The following FHIT variants were observed in gnomAD, a reference collection of about 807,000 sequenced individuals.
FHIT encodes the protein bis(5'-adenosyl)-triphosphatase.
A neutral mutation model predicts 17.9 loss-of-function variants in FHIT; 19 were observed. The ratio of observed to expected loss-of-function variants is 1.06; its 90% confidence interval spans 0.74 to 1.56. The LOEUF (loss-of-function observed/expected upper bound fraction) is 1.56. Among genes scored for constraint, FHIT ranks in the 40% most tolerant of loss-of-function variants. FHIT has a pLI of 0.00. For missense variants in FHIT, 248 were observed against 189.2 expected, an observed-to-expected ratio of 1.31 and a Z score of -1.82; for synonymous variants, 81 against 69.7, an observed-to-expected ratio of 1.16 and a Z score of -0.81.
At chr3:60,356,758 A>C (rs1408353017) in intron 5 of FHIT, among the ~76,000 whole-genome samples, 11 of 61,358 alleles carry the variant, frequency 1.8e-4, no homozygotes, top group Non-Finnish European at 3.7e-4. Flanking sequence ...AGAGACAAAA[A>C]AAAAAAAAAA....
At chr3:59,793,202 A>T (rs1699640932) in intron 8 of FHIT, among the ~76,000 whole-genome samples, 1 of 152,158 alleles carries the variant, frequency 6.6e-6, no homozygotes, top group South Asian at 2.1e-4. Context: ...ATCTAATTTC[A>T]GACCCTGTCT....
intron 1 of FHIT, among the ~76,000 whole-genome samples, chr3:61,212,676 G>A (rs2039523326): frequency 6.6e-6 from 1 of 152,104 alleles, no homozygotes; most frequent in South Asian, 2.1e-4. Context: ...TCCTCGAGAA[G>A]GGCAACTCCA....
intron 2 of FHIT, among the ~76,000 whole-genome samples, chr3:61,120,017 CTGGA>C (rs1442768163): frequency 2.6e-5 from 4 of 152,140 alleles, no homozygotes; most frequent in African/African-American, 9.7e-5. Flanking sequence ...TTCTTTTTCT[CTGGA>C]TAACCTTGAT....
chr3:59,934,866 C>G (rs781370640), intron 7 of FHIT, among the ~76,000 whole-genome samples: 9 of 152,132 alleles, frequency 5.9e-5, no homozygotes, highest in Non-Finnish European at 1.3e-4. Context: ...CCTGGTCCCA[C>G]CCATGACACA....
At chr3:60,500,581 T>C (rs1159415544) in intron 5 of FHIT, among the ~76,000 whole-genome samples, 1 of 151,024 alleles carries the variant, frequency 6.6e-6, no homozygotes, top group African/African-American at 2.4e-5. Context: ...ACCAGCCTGG[T>C]CAACATGGTA....
intron 5 of FHIT, among the ~76,000 whole-genome samples, chr3:60,341,160 G>A (rs1247887378): frequency 6.6e-6 from 1 of 152,162 alleles, no homozygotes; most frequent in African/African-American, 2.4e-5. Context: ...TGAGTACACA[G>A]AAGGATGACT....
At chr3:60,205,674 G>A (rs1257519151) in intron 5 of FHIT, among the ~76,000 whole-genome samples, 1 of 152,060 alleles carries the variant, frequency 6.6e-6, no homozygotes, top group African/African-American at 2.4e-5. Context: ...GTGAAAACAT[G>A]GGAACAAAAT....
At chr3:60,828,305 T>C (rs1346710681) in intron 3 of FHIT, among the ~76,000 whole-genome samples, 4 of 152,222 alleles carry the variant, frequency 2.6e-5, no homozygotes, top group African/African-American at 9.6e-5. Flanking sequence ...TCATTATATA[T>C]GTCATCATTA....
Position 59,960,876 on chromosome 3 carries a change from G to A in FHIT, c.280-38462C>T, listed in dbSNP as rs117224062. On this transcript the variant is annotated intron_variant, in intron 7 of 9. Transcript: ENST00000492590. ...AATGAGGAGAGAGGACCAATTACTA[G>A]TTTTCAGAAGATCCACATGAGACTC... Among the ~76,000 whole-genome samples the A allele has an allele frequency of 5.0e-4, 76 of 152,246 alleles. No homozygotes were observed. The East Asian group carries it at 0.013, about 26-fold the overall frequency.
intron 3 of FHIT, among the ~76,000 whole-genome samples, chr3:60,829,246 A>C (rs77680035): frequency 6.6e-6 from 1 of 152,190 alleles, no homozygotes; most frequent in African/African-American, 2.4e-5. Context: ...AAACCACACC[A>C]AAGTCAATAT....
intron 1 of FHIT, among the ~76,000 whole-genome samples, chr3:61,227,888 G>T (rs940347103): frequency 5.9e-5 from 9 of 152,026 alleles, no homozygotes; most frequent in African/African-American, 2.2e-4. Context: ...AATAAAAATG[G>T]TACTAGCAAA....
At chr3:60,118,576 T>C (rs1705088276) in intron 5 of FHIT, among the ~76,000 whole-genome samples, 1 of 152,038 alleles carries the variant, frequency 6.6e-6, no homozygotes, top group Admixed American at 6.6e-5. Flanking sequence ...TTTAGAATCT[T>C]TGGTCTCCCC....
chr3:60,069,683 C>A (rs1702679810), intron 5 of FHIT, among the ~76,000 whole-genome samples: 1 of 152,136 alleles, frequency 6.6e-6, no homozygotes, highest in Non-Finnish European at 1.5e-5. Flanking sequence ...AAAGTTTCTT[C>A]TTGGAAAGAC....
intron 5 of FHIT, among the ~76,000 whole-genome samples, chr3:60,091,532 C>G (rs4679629): frequency 0.94 from 143,093 of 152,132 alleles, 67,338 homozygotes; most frequent in East Asian, 0.98. Flanking sequence ...AAGAGACTGG[C>G]ATGTTTGGTG....
chr3:60,504,568 G>A (rs1292054613), intron 5 of FHIT, among the ~76,000 whole-genome samples: 1 of 152,130 alleles, frequency 6.6e-6, no homozygotes, highest in East Asian at 1.9e-4. Flanking sequence ...AACGTGAACT[G>A]CCAAATACAA....
At chr3:61,154,896 T>C (rs1371280263) in intron 2 of FHIT, among the ~76,000 whole-genome samples, 1 of 152,188 alleles carries the variant, frequency 6.6e-6, no homozygotes, top group Non-Finnish European at 1.5e-5. Flanking sequence ...TTCAATAGCT[T>C]ATCTATTCCC....
intron 5 of FHIT, among the ~76,000 whole-genome samples, chr3:60,195,038 G>A (rs897938519): frequency 2.0e-5 from 3 of 151,936 alleles, no homozygotes; most frequent in South Asian, 2.1e-4. Context: ...TAGCGGCAGG[G>A]AGCTGTAATC....
intron 2 of FHIT, among the ~76,000 whole-genome samples, chr3:61,051,909 C>G (rs569189182): frequency 6.6e-6 from 1 of 152,148 alleles, no homozygotes; most frequent in Non-Finnish European, 1.5e-5. Flanking sequence ...GAGCTGCTCT[C>G]TATACACATA....
chr3:60,385,109 C>T lies in FHIT; in HGVS notation c.103+151751G>A, dbSNP rs547504623. Among the ~76,000 whole-genome samples the T allele has an allele frequency of 9.5e-4, 144 of 152,234 alleles. 1 individual carries two copies. The highest frequency in any genetic ancestry group is 3.2e-3 in the African/African-American group (132 of 41,546). On this transcript the variant is annotated intron_variant, in intron 5 of 9. Transcript: ENST00000492590. ...ATACAATATAGCATTTGCTATATAA[C>T]CATAACCTCTCCCATTCCTGGTGTC...
Sources: gnomAD v4.1 joint callset for allele counts (sites outside exome capture counted in the v4.1 genomes callset) on GRCh38, gnomAD v4.1.1 for gene constraint, MANE v1.5 for transcripts, NCBI Gene and HGNC (gene_info 2026-07-23, HGNC 2026-07-21) for gene names.